DCBLD1: variants seen among roughly 807,000 people sequenced by gnomAD.
The protein encoded by DCBLD1 is discoidin, CUB and LCCL domain-containing protein 1.
Under a neutral mutation model 71.5 loss-of-function variants are expected in DCBLD1, and 57 were observed. The ratio of observed to expected loss-of-function variants is 0.80; its 90% CI spans 0.64 to 0.99. DCBLD1 has a LOEUF of 0.99. Ranked by LOEUF, DCBLD1 falls within the 50% of genes least tolerant of loss-of-function variation. DCBLD1 has a pLI of 0.00. For synonymous variants in DCBLD1, 380 were observed against 363.8 expected (o/e 1.04, Z -0.51); for missense variants, 891 against 923.5 (o/e 0.96, Z 0.46).
downstream of DCBLD1, among the ~76,000 whole-genome samples, chr6:117,553,771 G>GTT (rs201867441): frequency 6.6e-6 from 1 of 151,798 alleles, no homozygotes; most frequent in East Asian, 1.9e-4. Flanking sequence ...GTACTTAGGT[G>GTT]TTTTTTTTGT....
At position 117,541,013 on chromosome 6, in the gene DCBLD1, G is replaced by A. The variant is rs76270522; in HGVS notation, c.1345G>A (p.Glu449Lys). The A allele has an allele frequency of 6.2e-7, 1 of 1,614,206 alleles. No homozygotes were observed. The highest frequency in any genetic ancestry group is 1.1e-5 in the South Asian group (1 of 91,080). ...AATCACAAGGCCCATCCCCTCGGAA[G>A]AAACATCCACAGGTAGAGCCGTGAT... The part of the protein sequence containing the change: ...ETITRPIPSE[E>K]TSTGINITTV... Residue 449 changes from glutamate (E) to lysine (K), a missense_variant, in exon 11 of 15, where the codon GAA (glutamate) becomes AAA (lysine). By Grantham distance (56) the Glu-to-Lys change is moderately conservative. Transcript: ENST00000338728.
At chr6:117,553,994 GATT>G (rs1303441355), downstream of DCBLD1, among the ~76,000 whole-genome samples, 1 of 152,164 alleles carries the variant, frequency 6.6e-6, no homozygotes, top group East Asian at 1.9e-4. Context: ...TTGTGGTGAA[GATT>G]ACAAGGATTA....
chr6:117,564,181 T>G (rs960142342), intron 14 of DCBLD1, among the ~76,000 whole-genome samples: 1 of 152,088 alleles, frequency 6.6e-6, no homozygotes, highest in Non-Finnish European at 1.5e-5. Flanking sequence ...GGGTTCACTA[T>G]GTTGCCCAGG....
intron 1 of DCBLD1, among the ~76,000 whole-genome samples, chr6:117,492,862 T>A (rs77394790): frequency 0.031 from 4,647 of 152,298 alleles, 85 homozygotes; most frequent in Non-Finnish European, 0.038. Context: ...GTGGATATGG[T>A]GCATAAACCT....
chr6:117,564,539 C>A (rs891590125), intron 14 of DCBLD1, among the ~76,000 whole-genome samples: 4 of 152,028 alleles, frequency 2.6e-5, no homozygotes, highest in South Asian at 4.1e-4. Flanking sequence ...GACTATATCA[C>A]CTATTTAGGT....
At chr6:117,519,773 G>A in intron 2 of DCBLD1, 43 bp from the exon 3 acceptor site, 1 of 1,589,370 alleles carries the variant, frequency 6.3e-7, no homozygotes, top group Non-Finnish European at 8.6e-7. Context: ...CATTTGTGCT[G>A]GTATAAATTT....
rs532456125 is a variant in DCBLD1, at chr6:117,547,947, G to A, written c.1656G>A (p.Thr552=). 288 of 1,550,568 alleles carry A rather than the reference G, an allele frequency of 1.9e-4. 1 individual carries two copies. Among genetic ancestry groups the A allele is most frequent in the Non-Finnish European group, 2.3e-4 (261 of 1,146,968 alleles). Residue 552 remains threonine (T), a synonymous_variant, in exon 15 of 15, where the codon ACG becomes ACA. Transcript: ENST00000338728. ...TCATGATTGGCACCGGGACAGTCAC[G>A]AGGAAGGGCTCCACCTTCCGGCCCA... ...QPLMIGTGTV[T]RKGSTFRPMD... is the part of the protein sequence containing the mutation.
chr6:117,500,945 A>T (rs941909346), intron 1 of DCBLD1, among the ~76,000 whole-genome samples: 7 of 152,034 alleles, frequency 4.6e-5, no homozygotes, highest in Non-Finnish European at 8.8e-5. Flanking sequence ...TGATAGTCAC[A>T]TGTAGGTTGA....
At chr6:117,491,019 C>G (rs974762292) in intron 1 of DCBLD1, among the ~76,000 whole-genome samples, 1 of 152,006 alleles carries the variant, frequency 6.6e-6, no homozygotes, top group Non-Finnish European at 1.5e-5. Context: ...GTGTGATGTC[C>G]AGTTAAATTT....
At chr6:117,501,415 C>T (rs1777655585) in intron 1 of DCBLD1, among the ~76,000 whole-genome samples, 1 of 152,152 alleles carries the variant, frequency 6.6e-6, no homozygotes, top group Non-Finnish European at 1.5e-5. Context: ...CTCACTGCAA[C>T]CTCTGCCTCC....
At chr6:117,503,355 A>G (rs759737720) in intron 1 of DCBLD1, among the ~76,000 whole-genome samples, 3 of 152,242 alleles carry the variant, frequency 2.0e-5, no homozygotes, top group Non-Finnish European at 4.4e-5. Context: ...ACATTATCTC[A>G]TTTAATCAGC....
intron 5 of DCBLD1, among the ~76,000 whole-genome samples, chr6:117,528,842 T>C (rs1778624748): frequency 6.6e-6 from 1 of 152,150 alleles, no homozygotes; most frequent in South Asian, 2.1e-4. Flanking sequence ...AAGCTCGTTG[T>C]TTTTTGTTTG....
intron 12 of DCBLD1, among the ~76,000 whole-genome samples, chr6:117,543,505 T>TAGGATTACA (rs1220460560): frequency 6.6e-6 from 1 of 152,092 alleles, no homozygotes; most frequent in African/African-American, 2.4e-5. Context: ...CCTGAGTAGT[T>TAGGATTACA]AGGATTACAA....
At position 117,538,764 on chromosome 6, in the gene DCBLD1, G is replaced by A. The variant is rs144641172; in HGVS notation, c.905G>A (p.Gly302Asp). 322 of 1,614,018 alleles carry A rather than the reference G, an allele frequency of 2.0e-4. No homozygotes were observed. The highest frequency in any genetic ancestry group is 2.5e-4 in the Non-Finnish European group (298 of 1,180,026). Residue 302 changes from glycine (G) to aspartate (D), a missense_variant, in exon 8 of 15, where the codon GGC (glycine) becomes GAC (aspartate). Physicochemically the swap from Gly to Asp is moderately conservative, Grantham distance 94 (BLOSUM62 -1). Transcript: ENST00000338728. ...LQDQGPSWASGDSSNNHKPRE... is the reference protein window; with the variant it reads ...LQDQGPSWASDDSSNNHKPRE... Reference sequence around the variant, plus strand: ...GACCAAGGCCCATCATGGGCTTCGGGCGACAGTAGCAACAACCACAAACCA... The same window carrying A: ...GACCAAGGCCCATCATGGGCTTCGGACGACAGTAGCAACAACCACAAACCA...
rs1779361443 is a variant in DCBLD1, at chr6:117,548,662, G to T, written c.*223G>T. On this transcript the variant is annotated 3_prime_UTR_variant, in exon 15 of 15. Transcript: ENST00000338728. ...CCTTAGGGTGCGTCTGTTGGGTTTTGTTGGGCTAGAAAAATGAAAATTTTC... is the reference window on the plus strand; with the variant it reads ...CCTTAGGGTGCGTCTGTTGGGTTTTTTTGGGCTAGAAAAATGAAAATTTTC... The T allele has an allele frequency of 1.4e-6, 2 of 1,417,332 alleles. No individual in the cohort carries two copies. The highest frequency in any genetic ancestry group is 1.6e-5 in the South Asian group (1 of 64,100). 87.8% of individuals were successfully genotyped at this position (1,417,332 alleles called of 1,614,324 possible).
intron 5 of DCBLD1, 98 bp from the exon 6 acceptor site, chr6:117,532,162 C>T: frequency 6.7e-7 from 1 of 1,489,378 alleles, no homozygotes. Flanking sequence ...TTCATTGGGG[C>T]CACTACTATA....
At chr6:117,485,607 G>A (rs1021390142) in intron 1 of DCBLD1, among the ~76,000 whole-genome samples, 3 of 152,184 alleles carry the variant, frequency 2.0e-5, no homozygotes, top group African/African-American at 7.2e-5. Flanking sequence ...GATCCTGAGG[G>A]CAGAGACTGG....
intron 12 of DCBLD1, 99 bp from the exon 13 acceptor site, chr6:117,544,429 C>G (rs1779197937): frequency 1.7e-6 from 2 of 1,165,658 alleles, no homozygotes; most frequent in African/African-American, 1.6e-5. Flanking sequence ...TCACATCAAC[C>G]CTATGAGGTA....
intron 1 of DCBLD1, among the ~76,000 whole-genome samples, chr6:117,483,703 T>TTC: frequency 6.8e-6 from 1 of 147,796 alleles, no homozygotes; most frequent in South Asian, 2.1e-4. Flanking sequence ...AATTAGTGCT[T>TTC]TTTTTTTTTT....
Sources: allele counts gnomAD v4.1 joint callset (sites outside exome capture counted in the v4.1 genomes callset), GRCh38; gene constraint gnomAD v4.1.1; transcripts MANE v1.5; gene names NCBI Gene and HGNC (gene_info 2026-07-23, HGNC 2026-07-21).